The following RNF166 variants were observed in gnomAD, a reference collection of about 807,000 sequenced individuals.
The protein encoded by RNF166 is ring finger protein 166.
Under a neutral mutation model 29.4 loss-of-function variants are expected in RNF166, and 19 were observed. That is an observed-to-expected ratio of 0.65 (90% CI 0.45 to 0.95). The LOEUF is 0.95. RNF166 is among the 40% of genes least tolerant of loss of function. The probability of loss-of-function intolerance (pLI) is 0.00; values close to 1 mark genes in which losing one functional copy is unlikely to be tolerated. For missense variants in RNF166, 347 were observed against 322.1 expected, an observed-to-expected ratio of 1.08 and a Z score of -0.59; for synonymous variants, 171 against 134.5, an observed-to-expected ratio of 1.27 and a Z score of -1.88.
At chr16:88,700,779 C>T (rs1910136004) in intron 2 of RNF166, 2 of 1,011,160 alleles carry the variant, frequency 2.0e-6, no homozygotes, top group Non-Finnish European at 2.4e-6. Flanking sequence ...GCTGCAGGCC[C>T]TTACGCTGCT....
At chr16:88,705,422 C>G (rs887132023) in intron 1 of RNF166, among the ~76,000 whole-genome samples, 3 of 152,256 alleles carry the variant, frequency 2.0e-5, no homozygotes, top group East Asian at 1.9e-4. Context: ...TAGGAGGGAG[C>G]AGACACTGAT....
rs574428496 is a variant in RNF166, at chr16:88,697,250, G to A, written c.*318C>T. The A allele has an allele frequency of 3.3e-5, 8 of 242,494 alleles. No homozygotes were observed. Among genetic ancestry groups the A allele is most frequent in the African/African-American group, 9.0e-5 (4 of 44,236 alleles). The allele number at this position is 242,494 out of a possible 1,614,324, so 15.0% of individuals were successfully genotyped here. A position where few individuals can be genotyped will look rare whatever the true frequency, so the allele number is the denominator to read the frequency against. ...TCGCGCGTCGGTCCCTTCTTCCCAC[G>A]AGGGGGTATCATGGCTTTGAAGAGA... On this transcript the variant is annotated 3_prime_UTR_variant, in exon 6 of 6. Transcript: ENST00000312838.
At chr16:88,699,479 G>C (rs1403239132) in intron 3 of RNF166, 141 bp downstream of exon 3, 1 of 651,238 alleles carries the variant, frequency 1.5e-6, no homozygotes, top group Non-Finnish European at 2.6e-6. Flanking sequence ...CCTGCAGGGT[G>C]GCAAGGAAGG....
chr16:88,704,417 G>T (rs1910561014), intron 1 of RNF166: 1 of 985,280 alleles, frequency 1.0e-6, no homozygotes, highest in Non-Finnish European at 1.2e-6. Context: ...TGGCAGAGGG[G>T]AGTTTTATAG....
At chr16:88,702,147 C>T (rs374935311) in intron 1 of RNF166, among the ~76,000 whole-genome samples, 21 of 6,710 alleles carry the variant, frequency 3.1e-3, no homozygotes, top group South Asian at 0.014. Context: ...TCCTTGGGCT[C>T]GCACACCCTC....
chr16:88,704,872 C>G (rs1282684970), intron 1 of RNF166, among the ~76,000 whole-genome samples: 1 of 152,162 alleles, frequency 6.6e-6, no homozygotes, highest in African/African-American at 2.4e-5. Context: ...TGCCTGTAAT[C>G]CCAGCTACTC....
chr16:88,699,838 G>A (rs576686311), intron 2 of RNF166, 106 bp from the exon 3 acceptor site: 50 of 723,342 alleles, frequency 6.9e-5, no homozygotes, highest in Middle Eastern at 3.5e-4. Context: ...GTAAGCAAGC[G>A]TCTGTGTTGC....
chr16:88,698,495 T>A lies in RNF166; in HGVS notation c.648+7A>T, dbSNP rs1436266435. 6.4e-7 allele frequency: 1 copy of A among 1,556,550 alleles called. No individual in the cohort carries two copies. Among genetic ancestry groups the A allele is most frequent in the Admixed American group, 1.9e-5 (1 of 52,486 alleles). On this transcript the variant is annotated splice_region_variant and intron_variant, in intron 5 of 5. Coordinates refer to ENST00000312838, the MANE Select transcript of RNF166 (RefSeq NM_178841.4). The stretch of plus-strand genomic sequence containing the variant: ...GTGGGGGAGGACGGTGCTGGCGGGA[T>A]GCCTACCACAAAGGTGTCGTAGGAG...
At position 88,697,405 on chromosome 16, in the gene RNF166, C is replaced by T. The variant is rs777056424; in HGVS notation, c.*163G>A. The T allele has an allele frequency of 2.7e-5, 15 of 559,470 alleles. No individual in the cohort carries two copies. Among genetic ancestry groups the T allele is most frequent in the South Asian group, 2.0e-4 (9 of 44,100 alleles). The allele number at this position is 559,470 out of a possible 1,614,324, so 34.7% of individuals were successfully genotyped here. On this transcript the variant is annotated 3_prime_UTR_variant, in exon 6 of 6. Transcript: ENST00000312838. ...GCTCTGGCGGCCTCGGCGGCTGGCC[C>T]GTATTCAGGCCCGGAGGCTCGGCCC...
In RNF166 at chr16:88,706,100, C is replaced by A; in HGVS notation, c.155+71G>T. ...CAGTCCGGAGCTGCACCGGGGCGGCCGCCGGCCTCGCGACCCCTCCCGCGG... is the reference window on the plus strand; with the variant it reads ...CAGTCCGGAGCTGCACCGGGGCGGCAGCCGGCCTCGCGACCCCTCCCGCGG... On this transcript the variant is annotated intron_variant, in intron 1 of 5. Coordinates refer to ENST00000312838, the MANE Select transcript of RNF166 (RefSeq NM_178841.4). The A allele has an allele frequency of 4.9e-6, 5 of 1,020,154 alleles. No homozygotes were observed. In the African/African-American group the frequency reaches 5.2e-5, roughly 11 times the overall value. The allele number at this position is 1,020,154 out of a possible 1,614,324, so 63.2% of individuals were successfully genotyped here.
At chr16:88,702,039 C>T (rs1370132302) in intron 1 of RNF166, among the ~76,000 whole-genome samples, 3 of 152,292 alleles carry the variant, frequency 2.0e-5, no homozygotes, top group Non-Finnish European at 1.5e-5. Flanking sequence ...CACCCATGGG[C>T]CCTGGCTCTT....
At chr16:88,699,548 G>T in intron 3 of RNF166, 72 bp downstream of exon 3, 7 of 1,201,244 alleles carry the variant, frequency 5.8e-6, no homozygotes, top group Non-Finnish European at 8.3e-6. Flanking sequence ...CTGGGATGGG[G>T]CACTGCGCTT....
chr16:88,703,057 C>T (rs939282158), intron 1 of RNF166: 11 of 985,512 alleles, frequency 1.1e-5, no homozygotes, highest in Middle Eastern at 1.0e-3. Flanking sequence ...TGCAGCCCCA[C>T]CACGCACCGG....
chr16:88,701,110 G>T, intron 2 of RNF166, 152 bp downstream of exon 2: 1 of 1,244,710 alleles, frequency 8.0e-7, no homozygotes, highest in Non-Finnish European at 1.1e-6. Flanking sequence ...GGGGAGGGAG[G>T]CGCCGGGGCT....
chr16:88,698,165 T>G lies in RNF166; in HGVS notation c.648+337A>C, dbSNP rs1909821760. 8.3e-6 allele frequency: 5 copies of G among 601,906 alleles called. No homozygotes were observed. In the East Asian group the frequency reaches 1.1e-4, roughly 13 times the overall value. 37.3% of individuals were successfully genotyped at this position (601,906 alleles called of 1,614,324 possible). A position where few individuals can be genotyped will look rare whatever the true frequency, so the allele number is the denominator to read the frequency against. On this transcript the variant is annotated intron_variant, in intron 5 of 5. Transcript: ENST00000312838. ...GAGACAGGGCTGGAGTGTTCGATGT[T>G]GATGAAAGTCCTTCCCGCGCTCTCT...
intron 1 of RNF166, chr16:88,703,932 C>G (rs529122607): frequency 1.0e-6 from 1 of 985,338 alleles, no homozygotes; most frequent in Admixed American, 6.1e-5. Context: ...CACAGCCCTT[C>G]CAGGCAGGTT....
chr16:88,704,979 A>G (rs1356800442), intron 1 of RNF166, among the ~76,000 whole-genome samples: 1 of 152,204 alleles, frequency 6.6e-6, no homozygotes, highest in African/African-American at 2.4e-5. Context: ...GACAAGAGCA[A>G]GACTCTGTCT....
At chr16:88,704,440 A>G (rs1910563425) in intron 1 of RNF166, 3 of 985,336 alleles carry the variant, frequency 3.0e-6, no homozygotes, top group Admixed American at 6.1e-5. Flanking sequence ...AAGATGCTCC[A>G]CAATTCCATG....
intron 1 of RNF166, among the ~76,000 whole-genome samples, chr16:88,705,629 C>T (rs765739941): frequency 1.4e-4 from 21 of 152,222 alleles, no homozygotes; most frequent in Non-Finnish European, 2.8e-4. Context: ...ACTCAGTGAT[C>T]GGTGTGACTC....
Sources: gnomAD v4.1 joint callset for allele counts (sites outside exome capture counted in the v4.1 genomes callset) on GRCh38, gnomAD v4.1.1 for gene constraint, MANE v1.5 for transcripts, NCBI Gene and HGNC (gene_info 2026-07-23, HGNC 2026-07-21) for gene names.